The following SLC44A5 variants were observed in gnomAD, a reference collection of about 807,000 sequenced individuals.
The protein encoded by SLC44A5 is solute carrier family 44 member 5.
Under a neutral mutation model 101.8 loss-of-function variants are expected in SLC44A5, and 57 were observed. The observed-to-expected ratio is 0.56, with a 90% CI of 0.45 to 0.70. The LOEUF (loss-of-function observed/expected upper bound fraction) is 0.70, where lower values mean the gene tolerates loss of function less well. SLC44A5 is among the 30% of genes least tolerant of loss of function. The pLI, the probability that SLC44A5 is intolerant of heterozygous loss-of-function variation, is 0.00. For synonymous variants in SLC44A5, 281 were observed against 290.9 expected, an observed-to-expected ratio of 0.97 and a Z score of 0.35; for missense variants, 737 against 853.1, an observed-to-expected ratio of 0.86 and a Z score of 1.70.
upstream of SLC44A5, among the ~76,000 whole-genome samples, chr1:75,615,432 T>TAC (rs776361396): frequency 0.017 from 1,330 of 76,808 alleles, 15 homozygotes; most frequent in Admixed American, 0.048. Context: ...CACACACACA[T>TAC]ACATACACAC....
intron 2 of SLC44A5, among the ~76,000 whole-genome samples, chr1:75,443,233 T>G (rs1665308778): frequency 6.6e-6 from 1 of 151,860 alleles, no homozygotes; most frequent in African/African-American, 2.4e-5. Context: ...AGCTTTGAAC[T>G]TAAGAAGTCA....
chr1:75,680,581 A>T, the SLC44A5 span, among the ~76,000 whole-genome samples: 2 of 151,564 alleles, frequency 1.3e-5, no homozygotes, highest in Non-Finnish European at 2.9e-5. Context: ...AAGACACAAC[A>T]TACCAGAATC....
At chr1:75,421,683 T>C (rs1260375317) in intron 2 of SLC44A5, among the ~76,000 whole-genome samples, 1 of 152,192 alleles carries the variant, frequency 6.6e-6, no homozygotes, top group East Asian at 1.9e-4. Context: ...TTGCTGGCTG[T>C]TCGTTTTATA....
At chr1:75,281,646 C>CCCCG (rs1553154397) in intron 5 of SLC44A5, among the ~76,000 whole-genome samples, 1 of 111,134 alleles carries the variant, frequency 9.0e-6, no homozygotes, top group Non-Finnish European at 2.1e-5. Context: ...GCCCCCCCCC[C>CCCCG]CCCCCGCTGC....
In SLC44A5 at chr1:75,363,145, A is replaced by G. The variant is rs143340642; in HGVS notation, c.53-23515T>C. ...CTGCTCTCATTTGGTTTCCATTTGC[A>G]TGGATATCTTTTTCTATCTTTTCAC... On this transcript the variant is annotated intron_variant, in intron 3 of 23. Coordinates refer to ENST00000370859, the MANE Select transcript of SLC44A5 (RefSeq NM_001130058.2). 8.3e-4 allele frequency among the ~76,000 whole-genome samples: 126 copies of G among 152,040 alleles called. 3 individuals carry two copies. The East Asian group carries it at 0.023, about 28-fold the overall frequency.
rs139731363 is a variant in SLC44A5 at position 75,484,413 on chromosome 1, G to T, written c.13+57022C>A. Among the ~76,000 whole-genome samples, 10 of 152,294 alleles carry T rather than the reference G, an allele frequency of 6.6e-5. No homozygotes were observed. The East Asian group carries it at 1.7e-3, about 27-fold the overall frequency. On this transcript the variant is annotated intron_variant, in intron 2 of 23. Coordinates refer to ENST00000370859, the MANE Select transcript of SLC44A5 (RefSeq NM_001130058.2). ...TCATTAAATCTTAAAGCTCTAAAATGATCTTCTTTGACTCCATGCCTCATA... is the reference window on the plus strand; with the variant it reads ...TCATTAAATCTTAAAGCTCTAAAATTATCTTCTTTGACTCCATGCCTCATA...
chr1:75,391,445 G>A (rs1169568634), intron 3 of SLC44A5, among the ~76,000 whole-genome samples: 1 of 152,046 alleles, frequency 6.6e-6, no homozygotes, highest in Non-Finnish European at 1.5e-5. Flanking sequence ...CCCAACTTCA[G>A]ACATCACATT....
At chr1:75,356,209 CA>C (rs35660365) in intron 3 of SLC44A5, among the ~76,000 whole-genome samples, 16,208 of 75,944 alleles carry the variant, frequency 0.21, 759 homozygotes, top group Non-Finnish European at 0.23. Flanking sequence ...AAGACTGCCT[CA>C]AAAAAAAAAA....
intron 4 of SLC44A5, among the ~76,000 whole-genome samples, chr1:75,330,279 C>T (rs1239189283): frequency 6.6e-6 from 1 of 151,786 alleles, no homozygotes; most frequent in East Asian, 1.9e-4. Flanking sequence ...TCTCTGCCCT[C>T]TCCAACACTC....
At chr1:75,484,140 A>G (rs1172218563) in intron 2 of SLC44A5, among the ~76,000 whole-genome samples, 2 of 152,194 alleles carry the variant, frequency 1.3e-5, no homozygotes, top group Non-Finnish European at 2.9e-5. Context: ...TCACATTTCA[A>G]TATCAATCAT....
At chr1:75,395,196 C>T (rs1662047804) in intron 3 of SLC44A5, among the ~76,000 whole-genome samples, 2 of 151,940 alleles carry the variant, frequency 1.3e-5, no homozygotes, top group African/African-American at 2.4e-5. Flanking sequence ...TTACTTTATT[C>T]CAAGTGAGAA....
intron 1 of SLC44A5, among the ~76,000 whole-genome samples, chr1:75,604,949 G>A (rs1050648586): frequency 1.3e-5 from 2 of 151,918 alleles, no homozygotes; most frequent in Non-Finnish European, 2.9e-5. Context: ...GAGATAGTTT[G>A]ACTTCTTCTT....
At chr1:75,391,492 C>T (rs1326016950) in intron 3 of SLC44A5, among the ~76,000 whole-genome samples, 1 of 152,112 alleles carries the variant, frequency 6.6e-6, no homozygotes, top group Non-Finnish European at 1.5e-5. Context: ...CTACAGTAAT[C>T]AAAACAGCAT....
intron 5 of SLC44A5, among the ~76,000 whole-genome samples, chr1:75,277,854 G>A (rs1364310843): frequency 6.6e-6 from 1 of 152,056 alleles, no homozygotes; most frequent in African/African-American, 2.4e-5. Context: ...CACAGCCTCT[G>A]GCACAGAAGT....
At chr1:75,341,421 G>T (rs1657868979) in intron 3 of SLC44A5, among the ~76,000 whole-genome samples, 1 of 152,088 alleles carries the variant, frequency 6.6e-6, no homozygotes, top group African/African-American at 2.4e-5. Context: ...GGCGGACGTT[G>T]CAGTGAGCTG....
chr1:75,482,819 T>C (rs1389529999), intron 2 of SLC44A5, among the ~76,000 whole-genome samples: 2 of 152,316 alleles, frequency 1.3e-5, no homozygotes, highest in East Asian at 3.9e-4. Flanking sequence ...TTCAATTTGT[T>C]CCCTCAGATA....
intron 2 of SLC44A5, among the ~76,000 whole-genome samples, chr1:75,492,339 T>G (rs2101813876): frequency 6.6e-6 from 1 of 152,292 alleles, no homozygotes; most frequent in African/African-American, 2.4e-5. Context: ...CAGAAACATT[T>G]TCTGAGAATA....
At chr1:75,313,055 G>GA (rs1423443444) in intron 4 of SLC44A5, among the ~76,000 whole-genome samples, 1 of 152,200 alleles carries the variant, frequency 6.6e-6, no homozygotes, top group African/African-American at 2.4e-5. Flanking sequence ...CCAGGATGCA[G>GA]AATGAATTGG....
the SLC44A5 span, among the ~76,000 whole-genome samples, chr1:75,681,567 C>A: frequency 1.3e-5 from 2 of 151,312 alleles, no homozygotes; most frequent in Admixed American, 6.6e-5. Context: ...ACTCTTCATG[C>A]TAAAAACTCT....
Sources: gnomAD v4.1 joint callset for allele counts (sites outside exome capture counted in the v4.1 genomes callset) on GRCh38, gnomAD v4.1.1 for gene constraint, MANE v1.5 for transcripts, NCBI Gene and HGNC (gene_info 2026-07-23, HGNC 2026-07-21) for gene names.